The following PALD1 variants were observed in gnomAD, a reference collection of about 807,000 sequenced individuals.
The protein encoded by PALD1 is phosphatase domain containing paladin 1.
PALD1 carries 57 observed loss-of-function variants against 96.0 expected under a neutral mutation model. The observed-to-expected ratio is 0.59, with a 90% CI of 0.48 to 0.74. The LOEUF (loss-of-function observed/expected upper bound fraction) is 0.74. Among genes scored for constraint, PALD1 ranks in the 30% least tolerant of loss-of-function variants. The probability of loss-of-function intolerance (pLI) is 0.00; values close to 1 mark genes in which losing one functional copy is unlikely to be tolerated. For missense variants in PALD1, 1,063 were observed against 1,143.7 expected, an observed-to-expected ratio of 0.93 and a Z score of 1.02; for synonymous variants, 464 against 473.6, an observed-to-expected ratio of 0.98 and a Z score of 0.26.
chr10:70,497,285 C>CA (rs1846210303), intron 1 of PALD1, among the ~76,000 whole-genome samples: 1 of 152,256 alleles, frequency 6.6e-6, no homozygotes, highest in Non-Finnish European at 1.5e-5. Flanking sequence ...CAGAGCCCTG[C>CA]ACACACCTTC....
At chr10:70,459,846 T>C in the PALD1 span, among the ~76,000 whole-genome samples, 2 of 152,154 alleles carry the variant, frequency 1.3e-5, no homozygotes, top group Non-Finnish European at 2.9e-5. Context: ...AACGCCACTC[T>C]GCCCTGTGCC....
chr10:70,466,566 A>G, the PALD1 span, among the ~76,000 whole-genome samples: 202 of 152,266 alleles, frequency 1.3e-3, 1 homozygote, highest in African/African-American at 4.5e-3. Flanking sequence ...TTAATTAAAC[A>G]CTACAGTGGC....
chr10:70,520,239 T>G (rs1564694670), intron 1 of PALD1, among the ~76,000 whole-genome samples: 1 of 152,294 alleles, frequency 6.6e-6, no homozygotes, highest in East Asian at 1.9e-4. Flanking sequence ...CTACCAGTCA[T>G]CTTTTTCAAG....
rs1462991061 is a variant in PALD1, at chr10:70,530,035, G to C, written c.435G>C (p.Arg145=). ...AGCCCAGCCTCTCAGGGTTCAGGCG[G>C]GTCCTCCAGAAACTCCAGAAGGACG... The part of the protein sequence containing the change: ...MGQPSLSGFR[R]VLQKLQKDGH... Residue 145 remains arginine (R), a synonymous_variant, in exon 4 of 20, where the codon CGG becomes CGC. Transcript: ENST00000263563. 1 of 1,549,168 alleles carries C rather than the reference G, an allele frequency of 6.5e-7. No individual in the cohort carries two copies. Among genetic ancestry groups the C allele is most frequent in the African/African-American group, 1.4e-5 (1 of 71,650 alleles).
At chr10:70,486,209 C>CT (rs796805815) in intron 1 of PALD1, 419 of 148,826 alleles carry the variant, frequency 2.8e-3, no homozygotes, top group South Asian at 0.018. Flanking sequence ...AAGTCAATAT[C>CT]TTTTTTTTTT....
chr10:70,547,522 G>A (rs1383573987), intron 18 of PALD1, 76 bp downstream of exon 18: 1 of 1,112,260 alleles, frequency 9.0e-7, no homozygotes, highest in East Asian at 2.7e-5. Flanking sequence ...AGTGGCTGAT[G>A]TGGCTTTGGG....
At chr10:70,471,976 C>G in the PALD1 span, among the ~76,000 whole-genome samples, 6 of 152,212 alleles carry the variant, frequency 3.9e-5, no homozygotes, top group South Asian at 2.1e-4. Context: ...CGAAGCTTCA[C>G]AGAGTCTGGG....
intron 18 of PALD1, among the ~76,000 whole-genome samples, chr10:70,552,949 G>C (rs1330833937): frequency 3.9e-5 from 6 of 152,162 alleles, no homozygotes; most frequent in Non-Finnish European, 8.8e-5. Context: ...GCTTCCTGGA[G>C]CTAATTTTCC....
intron 18 of PALD1, among the ~76,000 whole-genome samples, chr10:70,560,631 C>G (rs749437499): frequency 6.6e-6 from 1 of 151,716 alleles, no homozygotes; most frequent in Non-Finnish European, 1.5e-5. Flanking sequence ...TGGGGAGGCT[C>G]CCCAGCCCTG....
intron 8 of PALD1, 129 bp downstream of exon 8, chr10:70,534,202 C>A: frequency 8.7e-7 from 1 of 1,146,038 alleles, no homozygotes; most frequent in Non-Finnish European, 1.2e-6. Context: ...GGGTTCATTT[C>A]CTGGTTTGCC....
At chr10:70,518,628 T>TA (rs1473944902) in intron 1 of PALD1, among the ~76,000 whole-genome samples, 1 of 152,204 alleles carries the variant, frequency 6.6e-6, no homozygotes, top group African/African-American at 2.4e-5. Context: ...CTTTACATTT[T>TA]AAAAAAATTG....
rs553516312 is a variant in PALD1 at position 70,514,083 on chromosome 10, GCCCTGGGTGCTGGCCT to G, written c.-29-11837_-29-11822del. The stretch of plus-strand genomic sequence containing the variant: ...TGATTTGCATTCCCACACTCTGCTG[GCCCTGGGTGCTGGCCT>G]CCATGTGCCACAGTGCCTCTGCGGG... On this transcript the variant is annotated intron_variant, in intron 1 of 19. Transcript: ENST00000263563. Among the ~76,000 whole-genome samples the G allele has an allele frequency of 8.1e-4, 124 of 152,358 alleles. 1 individual carries two copies. The Middle Eastern group carries it at 0.01, about 13-fold the overall frequency.
intron 1 of PALD1, among the ~76,000 whole-genome samples, chr10:70,498,021 G>T (rs1846225726): frequency 6.6e-6 from 1 of 151,978 alleles, no homozygotes; most frequent in Non-Finnish European, 1.5e-5. Context: ...CCACCATCCA[G>T]CCCCAGAACT....
At chr10:70,529,208 G>GCAC (rs1564698221) in intron 2 of PALD1, 21 bp from the exon 3 acceptor site, 1 of 260,532 alleles carries the variant, frequency 3.8e-6, no homozygotes, top group African/African-American at 4.4e-5. Flanking sequence ...TTTCCATTCT[G>GCAC]CCCCCCCCCC....
upstream of PALD1, chr10:70,478,718 C>CGGGCGG (rs1324385300): frequency 1.3e-5 from 2 of 151,856 alleles, no homozygotes; most frequent in Non-Finnish European, 2.9e-5. Context: ...ACTCGCGGTC[C>CGGGCGG]GGGCGGGGGC....
intron 6 of PALD1, 61 bp from the exon 7 acceptor site, chr10:70,532,934 G>A: frequency 1.3e-6 from 2 of 1,524,940 alleles, no homozygotes; most frequent in Non-Finnish European, 1.8e-6. Flanking sequence ...CCGGGAATAG[G>A]GGGTGAGGGG....
At chr10:70,505,756 C>T (rs1185686532) in intron 1 of PALD1, among the ~76,000 whole-genome samples, 1 of 152,192 alleles carries the variant, frequency 6.6e-6, no homozygotes, top group Non-Finnish European at 1.5e-5. Flanking sequence ...TGCAGTGGCT[C>T]ACGTCTGTAG....
chr10:70,504,750 T>C (rs1846354384), intron 1 of PALD1, among the ~76,000 whole-genome samples: 1 of 152,248 alleles, frequency 6.6e-6, no homozygotes, highest in South Asian at 2.1e-4. Context: ...TTCAATCTAT[T>C]GTGATACATT....
intron 1 of PALD1, among the ~76,000 whole-genome samples, chr10:70,487,130 A>ATTC (rs1554853640): frequency 2.2e-4 from 24 of 110,398 alleles, no homozygotes; most frequent in Non-Finnish European, 4.1e-4. Flanking sequence ...TCTGAGCCCA[A>ATTC]TTTTTTTTTT....
Sources: gnomAD v4.1 joint callset for allele counts (sites outside exome capture counted in the v4.1 genomes callset) on GRCh38, gnomAD v4.1.1 for gene constraint, MANE v1.5 for transcripts, NCBI Gene and HGNC (gene_info 2026-07-23, HGNC 2026-07-21) for gene names.